The following TRIM29 variants were observed in gnomAD, a reference collection of about 807,000 sequenced individuals.
TRIM29 encodes the protein tripartite motif containing 29, also known as tripartite motif-containing protein 29.
In TRIM29, 52 loss-of-function variants were observed where a neutral mutation model predicts 57.3. The ratio of observed to expected loss-of-function variants is 0.91; its 90% CI spans 0.73 to 1.14. TRIM29 has a LOEUF of 1.14. Ranked by LOEUF, TRIM29 falls within the 50% of genes most tolerant of loss-of-function variation. The pLI is 0.00. For synonymous variants in TRIM29, 319 were observed against 316.9 expected, an observed-to-expected ratio of 1.01 and a Z score of -0.07; for missense variants, 753 against 774.6, an observed-to-expected ratio of 0.97 and a Z score of 0.33.
intron 3 of TRIM29, 128 bp from the exon 4 acceptor site, chr11:120,126,017 T>A (rs1449351497): frequency 4.4e-6 from 4 of 900,394 alleles, no homozygotes; most frequent in Non-Finnish European, 6.6e-6. Context: ...CCTCACTGGA[T>A]GTTTGTTTCT....
At chr11:120,118,747 C>T (rs1186418448) in intron 6 of TRIM29, 2 of 170,312 alleles carry the variant, frequency 1.2e-5, no homozygotes, top group African/African-American at 4.8e-5. Flanking sequence ...TGTGCCCAGA[C>T]CCTGTCCTCT....
At chr11:120,132,127 C>T (rs1863734789) in intron 1 of TRIM29, among the ~76,000 whole-genome samples, 1 of 151,450 alleles carries the variant, frequency 6.6e-6, no homozygotes, top group South Asian at 2.1e-4. Flanking sequence ...TGGCATCGTC[C>T]TTCCCCTTCA....
chr11:120,115,537 T>C (rs1863245758), intron 7 of TRIM29, 123 bp from the exon 8 acceptor site: 2 of 832,512 alleles, frequency 2.4e-6, no homozygotes. Flanking sequence ...CATTACCAAA[T>C]GCAGCCGTCT....
chr11:120,125,867 T>C lies in TRIM29; in HGVS notation c.1157A>G (p.Asn386Ser). 1.9e-6 allele frequency: 3 copies of C among 1,613,800 alleles called. No individual in the cohort carries two copies. Among genetic ancestry groups the C allele is most frequent in the Non-Finnish European group, 1.7e-6 (2 of 1,179,790 alleles). Reference protein sequence around the residue: ...FLQEFGALMSNYSLPPPLPTY... With the variant: ...FLQEFGALMSSYSLPPPLPTY... ...GGGCAGGGGTGGGGGGAGAGAGTAA[T>C]TGCTCATCAATGCACCAAATTCCTA... Residue 386 changes from asparagine (N) to serine (S), a missense_variant, in exon 4 of 9, where the codon AAT (asparagine) becomes AGT (serine). By Grantham distance (46) the Asn-to-Ser change is conservative. Coordinates refer to ENST00000341846, the MANE Select transcript of TRIM29 (RefSeq NM_012101.4).
chr11:120,114,148 T>C (rs1863208110), intron 8 of TRIM29, among the ~76,000 whole-genome samples: 1 of 152,196 alleles, frequency 6.6e-6, no homozygotes, highest in Non-Finnish European at 1.5e-5. Flanking sequence ...CTCCCAGTGC[T>C]GGGTGCCTGC....
chr11:120,118,290 G>C lies in TRIM29; in HGVS notation c.1560C>G (p.Ser520=). ...CATTGTCAGAGTTCTGAATGCTGGA[G>C]GAGTACTCCCAGACCCGGGAGGTGT... ...GNYTSRVWEY[S]SSIQNSDNDL... is the part of the protein sequence containing the mutation. Residue 520 remains serine, a synonymous_variant, in exon 7 of 9, where the codon TCC becomes TCG. Transcript: ENST00000341846. The C allele has an allele frequency of 1.9e-6, 3 of 1,613,912 alleles. No homozygotes were observed. The highest frequency in any genetic ancestry group is 2.5e-6 in the Non-Finnish European group (3 of 1,179,920).
intron 7 of TRIM29, chr11:120,117,929 G>A (rs1383120238): frequency 4.6e-6 from 2 of 431,144 alleles, no homozygotes; most frequent in Non-Finnish European, 8.5e-6. Flanking sequence ...GAGGTCGAGT[G>A]CAGGGGGTAT....
At chr11:120,115,478 G>A in intron 7 of TRIM29, 64 bp from the exon 8 acceptor site, 2 of 1,394,564 alleles carry the variant, frequency 1.4e-6, no homozygotes, top group South Asian at 1.3e-5. Flanking sequence ...CCCGGGCCCA[G>A]AGCAGCACAG....
chr11:120,111,932 G>T lies in TRIM29; in HGVS notation c.*482C>A, dbSNP rs897527060. The stretch of plus-strand genomic sequence containing the variant: ...AGGGCCAGTCCTCTGGGAAGCAGGA[G>T]GTGGGCCATGTGAATGGGAGATGGG... On this transcript the variant is annotated 3_prime_UTR_variant, in exon 9 of 9. Transcript: ENST00000341846. 4.0e-5 allele frequency: 7 copies of T among 175,992 alleles called. No homozygotes were observed. The highest frequency in any genetic ancestry group is 1.7e-4 in the African/African-American group (7 of 41,630). The allele number at this position is 175,992 out of a possible 1,614,324, so 10.9% of individuals were successfully genotyped here. A position where few individuals can be genotyped will look rare whatever the true frequency, so the allele number is the denominator to read the frequency against.
At position 120,112,250 on chromosome 11, in the gene TRIM29, C is replaced by T. The variant is rs1014744126; in HGVS notation, c.*164G>A. 10 of 678,856 alleles carry T rather than the reference C, an allele frequency of 1.5e-5. No individual in the cohort carries two copies. Among genetic ancestry groups the T allele is most frequent in the Admixed American group, 3.1e-5 (1 of 32,768 alleles). The allele number at this position is 678,856 out of a possible 1,614,324, so 42.1% of individuals were successfully genotyped here. ...AATGGAGTGTGGCCAGTGGGGAAGT[C>T]GGAGAGGCCGGAACTGCCCCCAAGA... On this transcript the variant is annotated 3_prime_UTR_variant, in exon 9 of 9. Coordinates refer to ENST00000341846, the MANE Select transcript of TRIM29 (RefSeq NM_012101.4).
At position 120,137,860 on chromosome 11, in the gene TRIM29, T is replaced by A. The variant is rs1863853512; in HGVS notation, c.172A>T (p.Ser58Cys). ...GEAAEGKSLGSALKPGEGRSA... is the reference protein window; with the variant it reads ...GEAAEGKSLGCALKPGEGRSA... ...CTACCTTCCCCTGGCTTCAGGGCGC[T>A]GCCCAGGCTCTTGCCCTCAGCTGCC... The change falls in exon 1 of 9, where the codon AGC (serine) becomes TGC (cysteine). Residue 58 changes from serine (S) to cysteine (C), a missense_variant. Physicochemically the swap from Ser to Cys is moderately radical, Grantham distance 112. Coordinates refer to ENST00000341846, the MANE Select transcript of TRIM29 (RefSeq NM_012101.4). This position sits in a 1 kb window ranked among gnomAD's most constrained non-coding sequence, Gnocchi z 6.2. 6.2e-7 allele frequency: 1 copy of A among 1,611,780 alleles called. No individual in the cohort carries two copies. Among genetic ancestry groups the A allele is most frequent in the African/African-American group, 1.3e-5 (1 of 74,948 alleles).
At chr11:120,134,176 G>C (rs1863772636) in intron 1 of TRIM29, among the ~76,000 whole-genome samples, 1 of 152,172 alleles carries the variant, frequency 6.6e-6, no homozygotes, top group African/African-American at 2.4e-5. Context: ...GAAACATGCT[G>C]ACCCAGGGAC....
In TRIM29 at chr11:120,137,385, G is replaced by C. The variant is rs1863841097; in HGVS notation, c.647C>G (p.Pro216Arg). 1 of 1,613,148 alleles carries C rather than the reference G, an allele frequency of 6.2e-7. No individual in the cohort carries two copies. The highest frequency in any genetic ancestry group is 8.5e-7 in the Non-Finnish European group (1 of 1,180,004). The change falls in exon 1 of 9, where the codon CCC becomes CGC. Residue 216 changes from proline (P) to arginine (R), a missense_variant. Transcript: ENST00000341846. This position sits in a 1 kb window ranked among gnomAD's most constrained non-coding sequence, Gnocchi z 6.2. ...AAFRDHQLLEPIRDFEARKCP... is the reference protein window; with the variant it reads ...AAFRDHQLLERIRDFEARKCP... The stretch of plus-strand genomic sequence containing the variant: ...CTTGCGGGCCTCAAAGTCCCGGATG[G>C]GCTCGAGCAGCTGGTGGTCTCGGAA...
intron 8 of TRIM29, among the ~76,000 whole-genome samples, chr11:120,112,911 A>G (rs1432685530): frequency 6.6e-6 from 1 of 152,184 alleles, no homozygotes; most frequent in African/African-American, 2.4e-5. Context: ...CTATTATCAT[A>G]TTCAATTTAT....
intron 1 of TRIM29, among the ~76,000 whole-genome samples, chr11:120,129,922 A>G (rs1863684072): frequency 6.6e-6 from 1 of 152,122 alleles, no homozygotes; most frequent in Non-Finnish European, 1.5e-5. Context: ...CATAGCATGG[A>G]AAATACCATC....
At chr11:120,133,428 A>G (rs1863755699) in intron 1 of TRIM29, among the ~76,000 whole-genome samples, 1 of 152,226 alleles carries the variant, frequency 6.6e-6, no homozygotes, top group African/African-American at 2.4e-5. Flanking sequence ...GGTGTGTGCC[A>G]CAGACACTGG....
At chr11:120,130,531 C>T (rs1863697894) in intron 1 of TRIM29, among the ~76,000 whole-genome samples, 1 of 152,202 alleles carries the variant, frequency 6.6e-6, no homozygotes, top group Non-Finnish European at 1.5e-5. Context: ...TCCCCAGGAG[C>T]ACAGGACAGC....
At chr11:120,120,114 C>A (rs1026053006) in intron 6 of TRIM29, among the ~76,000 whole-genome samples, 1 of 152,088 alleles carries the variant, frequency 6.6e-6, no homozygotes, top group Non-Finnish European at 1.5e-5. Context: ...CGACTTTTCA[C>A]TGCAGAAGTA....
intron 8 of TRIM29, among the ~76,000 whole-genome samples, chr11:120,113,005 C>T (rs1863172673): frequency 6.6e-6 from 1 of 152,172 alleles, no homozygotes; most frequent in African/African-American, 2.4e-5. Context: ...AATCCAAGCC[C>T]CAGCAGGCTG....
Sources: allele counts gnomAD v4.1 joint callset (sites outside exome capture counted in the v4.1 genomes callset), GRCh38; gene constraint gnomAD v4.1.1; non-coding constraint Gnocchi (gnomAD v3.1); transcripts MANE v1.5; gene names NCBI Gene and HGNC (gene_info 2026-07-23, HGNC 2026-07-21).